The following RABGAP1L variants were observed in gnomAD, a reference collection of about 807,000 sequenced individuals.
The protein encoded by RABGAP1L is RAB GTPase activating protein 1 like, also known as rab GTPase-activating protein 1-like.
RABGAP1L carries 63 observed loss-of-function variants against 137.7 expected under a neutral mutation model. The observed-to-expected ratio is 0.46, with a 90% confidence interval of 0.37 to 0.56. The LOEUF (loss-of-function observed/expected upper bound fraction) is 0.56. RABGAP1L is among the 20% of genes least tolerant of loss of function. The pLI is 0.00. For synonymous variants in RABGAP1L, 431 were observed against 433.7 expected (o/e 0.99, Z 0.08); for missense variants, 1,095 against 1,244.0 (o/e 0.88, Z 1.80).
At chr1:174,677,984 A>T (rs1677765433) in intron 14 of RABGAP1L, among the ~76,000 whole-genome samples, 1 of 152,268 alleles carries the variant, frequency 6.6e-6, no homozygotes, top group Admixed American at 6.5e-5. Context: ...CTTTGAAAAG[A>T]TTAATAAAAT....
intron 13 of RABGAP1L, among the ~76,000 whole-genome samples, chr1:174,479,271 T>G (rs569428949): frequency 2.7e-4 from 41 of 152,330 alleles, no homozygotes; most frequent in African/African-American, 9.4e-4. Flanking sequence ...ATATGTCTAG[T>G]GCTTCCTAAT....
chr1:174,685,205 T>C lies in RABGAP1L; in HGVS notation c.1899+1609T>C, dbSNP rs925753730. ...CAGATAGCAAATATATCTATGGAGA[T>C]TGAATGAAGGAAAAAGTTTAGGAGT... On this transcript the variant is annotated intron_variant, in intron 15 of 25. Transcript: ENST00000681986. Among the ~76,000 whole-genome samples, 6 of 152,064 alleles carry C rather than the reference T, an allele frequency of 3.9e-5. No individual in the cohort carries two copies. In the East Asian group the frequency reaches 5.8e-4, roughly 15 times the overall value.
intron 18 of RABGAP1L, among the ~76,000 whole-genome samples, chr1:174,759,310 T>A (rs1685028053): frequency 1.3e-5 from 2 of 149,198 alleles, no homozygotes; most frequent in African/African-American, 2.5e-5. Context: ...AAAAAGAAGT[T>A]TCAGCCAGGT....
At chr1:174,407,864 A>G (rs1369560275) in intron 13 of RABGAP1L, among the ~76,000 whole-genome samples, 2 of 152,178 alleles carry the variant, frequency 1.3e-5, no homozygotes, top group Non-Finnish European at 2.9e-5. Flanking sequence ...TGTGAGAACC[A>G]TGATCACTTT....
chr1:174,795,711 G>A (rs1688194539), intron 18 of RABGAP1L, among the ~76,000 whole-genome samples: 2 of 152,134 alleles, frequency 1.3e-5, no homozygotes, highest in African/African-American at 2.4e-5. Context: ...GACTACAGGT[G>A]TGTGCCACCA....
chr1:174,698,810 T>A (rs539215511), intron 15 of RABGAP1L, among the ~76,000 whole-genome samples: 1 of 152,072 alleles, frequency 6.6e-6, no homozygotes. Context: ...AAAATAAAAT[T>A]AAAAATGTAA....
chr1:174,946,948 GTGTGT>G (rs1666948082), intron 19 of RABGAP1L, among the ~76,000 whole-genome samples: 1 of 84,028 alleles, frequency 1.2e-5, no homozygotes, highest in Non-Finnish European at 2.4e-5. Context: ...ATATGTGTGT[GTGTGT>G]GTGTGTGTGT....
chr1:174,550,881 T>TCC (rs1666389548), intron 13 of RABGAP1L, among the ~76,000 whole-genome samples: 1 of 70,172 alleles, frequency 1.4e-5, no homozygotes, highest in Admixed American at 1.4e-4. Flanking sequence ...TATATATATA[T>TCC]ATATATATAT....
intron 11 of RABGAP1L, among the ~76,000 whole-genome samples, chr1:174,335,382 G>C (rs1681392345): frequency 6.6e-6 from 1 of 152,182 alleles, no homozygotes. Flanking sequence ...AAGGGATACA[G>C]ATTTAAAGTT....
intron 11 of RABGAP1L, among the ~76,000 whole-genome samples, chr1:174,329,798 A>G (rs1487668600): frequency 1.3e-5 from 2 of 152,096 alleles, no homozygotes; most frequent in African/African-American, 4.8e-5. Context: ...GCTTCCAGCA[A>G]ATTATGTTCA....
chr1:174,882,721 T>C (rs1284570730), intron 19 of RABGAP1L, among the ~76,000 whole-genome samples: 1 of 152,220 alleles, frequency 6.6e-6, no homozygotes, highest in Non-Finnish European at 1.5e-5. Flanking sequence ...TAACTTCTTA[T>C]GTCTTCCATA....
chr1:174,863,048 C>T (rs1650514205), intron 19 of RABGAP1L, among the ~76,000 whole-genome samples: 1 of 151,652 alleles, frequency 6.6e-6, no homozygotes, highest in African/African-American at 2.4e-5. Context: ...GCGCACCTAC[C>T]ATGCCTGGCA....
chr1:174,609,881 T>C (rs919535561), intron 13 of RABGAP1L, among the ~76,000 whole-genome samples: 4 of 152,068 alleles, frequency 2.6e-5, no homozygotes, highest in Admixed American at 1.3e-4. Context: ...CCAAACAGTT[T>C]TTTAAATTAT....
At chr1:174,664,151 G>A (rs1322234929) in intron 14 of RABGAP1L, among the ~76,000 whole-genome samples, 1 of 152,096 alleles carries the variant, frequency 6.6e-6, no homozygotes, top group African/African-American at 2.4e-5. Flanking sequence ...TGTGACCAGG[G>A]GTTCTCAGGA....
chr1:174,311,222 C>T (rs1393800682), intron 11 of RABGAP1L, among the ~76,000 whole-genome samples: 1 of 152,068 alleles, frequency 6.6e-6, no homozygotes, highest in Admixed American at 6.6e-5. Context: ...GAAAGGGAAG[C>T]AGGTACTTTC....
At chr1:174,266,108 T>C (rs1239282188) in intron 7 of RABGAP1L, among the ~76,000 whole-genome samples, 1 of 152,166 alleles carries the variant, frequency 6.6e-6, no homozygotes, top group Non-Finnish European at 1.5e-5. Flanking sequence ...TAAATAGCTA[T>C]AGAGTACCCT....
At chr1:174,783,707 C>A (rs370082166) in intron 18 of RABGAP1L, among the ~76,000 whole-genome samples, 3 of 102,466 alleles carry the variant, frequency 2.9e-5, no homozygotes, top group Admixed American at 1.2e-4. Context: ...TCTTCTTCTT[C>A]TTTTTTTTTT....
intron 14 of RABGAP1L, among the ~76,000 whole-genome samples, chr1:174,651,257 A>G (rs1043591896): frequency 6.6e-6 from 1 of 152,018 alleles, no homozygotes; most frequent in Non-Finnish European, 1.5e-5. Context: ...ACTTCCAACT[A>G]TGTGGTCAAT....
At chr1:174,969,841 G>C (rs990858849) in intron 21 of RABGAP1L, among the ~76,000 whole-genome samples, 1 of 152,230 alleles carries the variant, frequency 6.6e-6, no homozygotes, top group Non-Finnish European at 1.5e-5. Context: ...CTGAGAGCCA[G>C]ACTGCCTGAT....
Sources: gnomAD v4.1 joint callset for allele counts (sites outside exome capture counted in the v4.1 genomes callset) on GRCh38, gnomAD v4.1.1 for gene constraint, MANE v1.5 for transcripts, NCBI Gene and HGNC (gene_info 2026-07-23, HGNC 2026-07-21) for gene names.